ZNF695: variants seen among roughly 807,000 people sequenced by gnomAD.
ZNF695 encodes zinc finger protein 695.
In ZNF695, 11 loss-of-function variants were observed where a neutral mutation model predicts 11.2. That is an observed-to-expected ratio of 0.98 (90% confidence interval 0.62 to 1.62). The LOEUF is 1.62. ZNF695 is among the 40% of genes most tolerant of loss of function. The pLI is 0.00. For synonymous variants in ZNF695, 190 were observed against 201.4 expected (o/e 0.94, Z 0.48); for missense variants, 559 against 590.5 (o/e 0.95, Z 0.55).
chr1:246,946,303 G>A (rs1408245877), intron 5 of ZNF695, among the ~76,000 whole-genome samples: 2 of 152,154 alleles, frequency 1.3e-5, no homozygotes, highest in Admixed American at 6.5e-5. Flanking sequence ...TCCCTACAAC[G>A]TGACTGTACT....
At chr1:246,998,623 A>G (rs369971844) in intron 3 of ZNF695, among the ~76,000 whole-genome samples, 1 of 152,232 alleles carries the variant, frequency 6.6e-6, no homozygotes, top group East Asian at 1.9e-4. Context: ...CCAAATACCA[A>G]TATCACCACT....
intron 5 of ZNF695, among the ~76,000 whole-genome samples, chr1:246,952,187 G>A (rs1409648483): frequency 6.6e-6 from 1 of 152,060 alleles, no homozygotes; most frequent in South Asian, 2.1e-4. Context: ...AGCCTCAAGT[G>A]ATCTGCCTGC....
chr1:246,967,695 G>A (rs368523805), exon 5 of ZNF695: 13 of 383,218 alleles, frequency 3.4e-5, no homozygotes, highest in Middle Eastern at 4.8e-4. Flanking sequence ...ATCAACTCAC[G>A]GTTCTGTGGG....
chr1:246,971,351 G>A (rs910223962), intron 4 of ZNF695, among the ~76,000 whole-genome samples: 4 of 152,236 alleles, frequency 2.6e-5, no homozygotes, highest in Admixed American at 1.3e-4. Flanking sequence ...GAGTGTGACC[G>A]CTGAAGCACA....
At chr1:246,946,665 C>A (rs1667742479) in intron 5 of ZNF695, among the ~76,000 whole-genome samples, 1 of 152,248 alleles carries the variant, frequency 6.6e-6, no homozygotes, top group Admixed American at 6.5e-5. Flanking sequence ...AGGAGACTGA[C>A]TTGTGGGAAC....
chr1:247,007,711 C>CG (rs1203020364), intron 1 of ZNF695, among the ~76,000 whole-genome samples, 195 bp downstream of exon 1: 1 of 151,928 alleles, frequency 6.6e-6, no homozygotes, highest in East Asian at 2.0e-4. Context: ...ACCCAGCGGC[C>CG]GGGATCCCGC....
intron 5 of ZNF695, among the ~76,000 whole-genome samples, chr1:246,948,819 G>C (rs1447394747): frequency 6.6e-6 from 1 of 152,052 alleles, no homozygotes; most frequent in Non-Finnish European, 1.5e-5. Flanking sequence ...CCTGCCATTC[G>C]CCTCATTGCT....
At chr1:246,992,828 A>G (rs759450644) in intron 3 of ZNF695, among the ~76,000 whole-genome samples, 30 of 152,134 alleles carry the variant, frequency 2.0e-4, no homozygotes, top group Non-Finnish European at 3.7e-4. Flanking sequence ...CTTTTTTCCA[A>G]TAAGGTAGGT....
rs537726367 is a variant in ZNF695 at position 246,965,662 on chromosome 1, G to A, written c.488+2033C>T. Among the ~76,000 whole-genome samples the A allele has an allele frequency of 5.9e-5, 9 of 152,098 alleles. No homozygotes were observed. The East Asian group carries it at 1.2e-3, about 20-fold the overall frequency. Reference sequence around the variant, plus strand: ...TGATGCAGGAGAATCGCTTGAACCCGGGAGGTGGAGGGTGCAATGAGCTGA... The same window carrying A: ...TGATGCAGGAGAATCGCTTGAACCCAGGAGGTGGAGGGTGCAATGAGCTGA... On this transcript the variant is annotated intron_variant, in intron 5 of 5. Coordinates refer to the ZNF695 transcript ENST00000487338.
At chr1:246,971,365 T>A (rs999008877) in intron 4 of ZNF695, among the ~76,000 whole-genome samples, 3 of 152,222 alleles carry the variant, frequency 2.0e-5, no homozygotes, top group Non-Finnish European at 4.4e-5. Context: ...AAGCACAGCA[T>A]CACAGGGAGA....
chr1:246,976,369 A>G (rs1668557572), intron 4 of ZNF695, among the ~76,000 whole-genome samples: 1 of 152,210 alleles, frequency 6.6e-6, no homozygotes, highest in Non-Finnish European at 1.5e-5. Context: ...CCCTGTAGGT[A>G]TATGTGCTCA....
chr1:246,991,647 G>C (rs1057219323), intron 3 of ZNF695, among the ~76,000 whole-genome samples: 9 of 152,218 alleles, frequency 5.9e-5, no homozygotes, highest in Admixed American at 5.2e-4. Flanking sequence ...AGGATGGAAA[G>C]AAAAAGAAAC....
intron 4 of ZNF695, among the ~76,000 whole-genome samples, chr1:246,971,094 T>A (rs1668412880): frequency 6.6e-6 from 1 of 152,172 alleles, no homozygotes; most frequent in Non-Finnish European, 1.5e-5. Context: ...TGCGCTGTTA[T>A]TTATTGGCTA....
chr1:246,958,160 G>T (rs1668051366), intron 5 of ZNF695, among the ~76,000 whole-genome samples: 1 of 151,036 alleles, frequency 6.6e-6, no homozygotes, highest in Non-Finnish European at 1.5e-5. Context: ...CCGGGTTCAC[G>T]CCATTCTCCT....
chr1:246,980,408 C>A (rs546840333), downstream of ZNF695, among the ~76,000 whole-genome samples: 7 of 136,090 alleles, frequency 5.1e-5, no homozygotes, highest in African/African-American at 1.7e-4. Flanking sequence ...AAGATTTGCC[C>A]CCCTGCCACT....
intron 1 of ZNF695, among the ~76,000 whole-genome samples, chr1:247,002,789 A>C (rs1381551914): frequency 6.6e-6 from 1 of 151,750 alleles, no homozygotes; most frequent in Non-Finnish European, 1.5e-5. Context: ...TCTCAAAAAA[A>C]AAAGGGGGGG....
intron 5 of ZNF695, among the ~76,000 whole-genome samples, chr1:246,951,379 G>A (rs766582615): frequency 2.3e-4 from 35 of 152,284 alleles, no homozygotes; most frequent in East Asian, 5.8e-4. Context: ...AGATGGCCAC[G>A]TCGAAGGTGG....
chr1:246,986,374 G>A lies in ZNF695; in HGVS notation c.*593C>T, dbSNP rs988701352. On this transcript the variant is annotated 3_prime_UTR_variant, in exon 4 of 4. Coordinates refer to ENST00000339986, the MANE Select transcript of ZNF695 (RefSeq NM_020394.5). Reference sequence around the variant, plus strand: ...AGAGCCACCGTGCCTGGCACCAAAAGGTATACTTGAAATGTAATTATAACT... The same window carrying A: ...AGAGCCACCGTGCCTGGCACCAAAAAGTATACTTGAAATGTAATTATAACT... The A allele has an allele frequency of 1.0e-6, 1 of 985,392 alleles. No homozygotes were observed. The highest frequency in any genetic ancestry group is 4.7e-5 in the South Asian group (1 of 21,282). The allele number at this position is 985,392 out of a possible 1,614,324, so 61.0% of individuals were successfully genotyped here.
At chr1:247,007,494 C>CAA (rs34758795) in intron 1 of ZNF695, among the ~76,000 whole-genome samples, 6,953 of 78,806 alleles carry the variant, frequency 0.088, 611 homozygotes, top group African/African-American at 0.17. Flanking sequence ...GACTCCGTCT[C>CAA]AAAAAAAAAA....
Sources: allele counts gnomAD v4.1 joint callset (sites outside exome capture counted in the v4.1 genomes callset), GRCh38; gene constraint gnomAD v4.1.1; transcripts MANE v1.5; gene names NCBI Gene and HGNC (gene_info 2026-07-23, HGNC 2026-07-21).